ZC3H13: variants seen among roughly 807,000 people sequenced by gnomAD.
The protein encoded by ZC3H13 is zinc finger CCCH-type containing 13.
ZC3H13 carries 64 observed loss-of-function variants against 204.1 expected under a neutral mutation model. The ratio of observed to expected loss-of-function variants is 0.31; its 90% CI spans 0.26 to 0.39. ZC3H13 has a LOEUF of 0.39. Among genes scored for constraint, ZC3H13 ranks in the 10% least tolerant of loss-of-function variants. The pLI, the probability that ZC3H13 is intolerant of heterozygous loss-of-function variation, is 1.00. For missense variants in ZC3H13, 1,833 were observed against 2,082.7 expected, an observed-to-expected ratio of 0.88 and a Z score of 2.33; for synonymous variants, 667 against 693.7, an observed-to-expected ratio of 0.96 and a Z score of 0.60.
In ZC3H13 at chr13:45,970,373, C is replaced by T; in HGVS notation, c.2561G>A (p.Gly854Glu). 6.2e-7 allele frequency: 1 copy of T among 1,613,766 alleles called. No homozygotes were observed. The highest frequency in any genetic ancestry group is 8.5e-7 in the Non-Finnish European group (1 of 1,179,754). ...HSPDSDAYNS[G>E]DDKNEKHRLL... ...CAGAGTCTGCTTACTTTTATCATCT[C>T]CACTGTTGTAGGCATCACTGTCCGG... Residue 854 changes from glycine (G) to glutamate (E), a missense_variant, in exon 13 of 19, where the codon GGA (glycine) becomes GAA (glutamate). This residue lies in a region of ZC3H13 where 1,574 missense variants were observed against 1,757.2 expected (regional missense o/e 0.90). Transcript: ENST00000679008.
In ZC3H13 at chr13:45,996,036, C is replaced by A. The variant is rs143631923; in HGVS notation, c.945-6939G>T. Among the ~76,000 whole-genome samples the A allele has an allele frequency of 3.2e-4, 48 of 152,248 alleles. 1 individual carries two copies. The East Asian group carries it at 8.9e-3, about 28-fold the overall frequency. On this transcript the variant is annotated intron_variant, in intron 8 of 18. Transcript: ENST00000679008. ...CCTGTCAGCAGAATCATACTGAAAC[C>A]AAAATATCTGGCAGAATGAGCTACA...
In ZC3H13 at chr13:46,001,593, T is replaced by A. The variant is rs536464997; in HGVS notation, c.944+1546A>T. 8 of 152,342 alleles carry A rather than the reference T, an allele frequency of 5.3e-5. No individual in the cohort carries two copies. In the East Asian group the frequency reaches 1.5e-3, roughly 29 times the overall value. The allele number at this position is 152,342 out of a possible 1,614,324, so 9.4% of individuals were successfully genotyped here. On this transcript the variant is annotated intron_variant, in intron 8 of 18. Coordinates refer to ENST00000679008, the MANE Select transcript of ZC3H13 (RefSeq NM_001330564.2). ...GGGAGAAAAACTGGAAAATGAAGGA[T>A]AAGCCTGTGTAATATTCAACTCCTC...
At chr13:46,010,056 T>G (rs2041438020) in intron 7 of ZC3H13, 1 of 204,458 alleles carries the variant, frequency 4.9e-6, no homozygotes. Context: ...TATAAACACA[T>G]GCACAAGTAT....
At chr13:45,992,482 T>C (rs2040033747) in intron 8 of ZC3H13, among the ~76,000 whole-genome samples, 1 of 152,226 alleles carries the variant, frequency 6.6e-6, no homozygotes, top group African/African-American at 2.4e-5. Context: ...TCATGGTTAA[T>C]TTTATGTGTC....
chr13:46,024,421 C>A (rs2138870583), intron 4 of ZC3H13, among the ~76,000 whole-genome samples: 1 of 152,278 alleles, frequency 6.6e-6, no homozygotes, highest in South Asian at 2.1e-4. Flanking sequence ...TATTCTCATT[C>A]CTGAAAGCCA....
rs1292804126 is a variant in ZC3H13, at chr13:46,003,167, G to A, written c.916C>T (p.Arg306Ter). The A allele has an allele frequency of 1.2e-6, 2 of 1,611,190 alleles. No individual in the cohort carries two copies. The highest frequency in any genetic ancestry group is 1.3e-5 in the African/African-American group (1 of 74,626). The change falls in exon 8 of 19, where the codon CGA becomes TGA. Residue 306 changes from arginine (R) to a stop codon, truncating the protein, a stop_gained. Coordinates refer to ENST00000679008, the MANE Select transcript of ZC3H13 (RefSeq NM_001330564.2). LOFTEE classifies it high-confidence loss of function. ...GGCTTGTCTCTCTTTTCTCTTTGTCGTTCAAAATCTCGTCCTCTGTCCTTT... is the reference window on the plus strand; with the variant it reads ...GGCTTGTCTCTCTTTTCTCTTTGTCATTCAAAATCTCGTCCTCTGTCCTTT... ...DGKDRGRDFE[R>*]QREKRDKPRS...
intron 18 of ZC3H13, 77 bp from the exon 19 acceptor site, chr13:45,957,374 C>A: frequency 2.5e-6 from 3 of 1,222,734 alleles, no homozygotes; most frequent in Non-Finnish European, 3.2e-6. Flanking sequence ...TTAACCTCTA[C>A]CCAAAATATC....
At chr13:45,974,500 CT>C (rs1456772363) in intron 12 of ZC3H13, among the ~76,000 whole-genome samples, 1 of 152,168 alleles carries the variant, frequency 6.6e-6, no homozygotes, top group Non-Finnish European at 1.5e-5. Flanking sequence ...GCAATAAGTT[CT>C]TTTCTGGTTA....
chr13:45,987,564 T>C (rs916898383), intron 9 of ZC3H13, among the ~76,000 whole-genome samples: 1 of 152,070 alleles, frequency 6.6e-6, no homozygotes, highest in Non-Finnish European at 1.5e-5. Context: ...ATCAAATAGG[T>C]GCTTTCTCCA....
At position 46,016,048 on chromosome 13, in the gene ZC3H13, G is replaced by A. The variant is rs564526934; in HGVS notation, c.448+4401C>T. On this transcript the variant is annotated intron_variant, in intron 5 of 18. Transcript: ENST00000679008. The stretch of plus-strand genomic sequence containing the variant: ...TGTGAAAAAGTTTTCAACTTCATTA[G>A]GAGAATGCAAACTAAAACCACAGTA... Among the ~76,000 whole-genome samples the A allele has an allele frequency of 4.1e-4, 62 of 152,092 alleles. No individual in the cohort carries two copies. In the Middle Eastern group the frequency reaches 0.01, roughly 25 times the overall value.
At chr13:46,018,259 G>C (rs1202438482) in intron 5 of ZC3H13, among the ~76,000 whole-genome samples, 1 of 152,136 alleles carries the variant, frequency 6.6e-6, no homozygotes, top group Non-Finnish European at 1.5e-5. Flanking sequence ...TAGTGACTTT[G>C]AAAAGCAGTT....
At position 46,042,207 on chromosome 13, in the gene ZC3H13, T is replaced by A; in HGVS notation, c.296A>T (p.Glu99Val). Reference protein sequence around the residue: ...MKNKRQDVDTEPQKRNTEESS... With the variant: ...MKNKRQDVDTVPQKRNTEESS... Reference sequence around the variant, plus strand: ...CTCCTCTGTATTTCGTTTCTGGGGCTCAGTGTCCACGTCTTGGCGCTTGTT... The same window carrying A: ...CTCCTCTGTATTTCGTTTCTGGGGCACAGTGTCCACGTCTTGGCGCTTGTT... The change falls in exon 4 of 19, where the codon GAG becomes GTG. Residue 99 changes from glutamate (E) to valine (V), a missense_variant. Glu to Val is a moderately radical substitution (Grantham distance 121). Coordinates refer to ENST00000679008, the MANE Select transcript of ZC3H13 (RefSeq NM_001330564.2). 1 of 1,613,584 alleles carries A rather than the reference T, an allele frequency of 6.2e-7. No individual in the cohort carries two copies. Among genetic ancestry groups the A allele is most frequent in the Non-Finnish European group, 8.5e-7 (1 of 1,179,568 alleles).
Position 46,011,353 on chromosome 13 carries a change from T to A in ZC3H13, c.588+62A>T, listed in dbSNP as rs75917377. On this transcript the variant is annotated intron_variant, in intron 6 of 18. Transcript: ENST00000679008. ...TTTAAGATGTAGCAAGAAGCTGAGT[T>A]ATCTGATCAATACAAATGCTGCTAT... The A allele has an allele frequency of 1.3e-3, 1,853 of 1,458,874 alleles. 22 individuals are homozygous for A. In the African/African-American group the frequency reaches 0.024, roughly 19 times the overall value. The allele number at this position is 1,458,874 out of a possible 1,614,324, so 90.4% of individuals were successfully genotyped here.
rs1416705043 is a variant in ZC3H13, at chr13:45,967,552, G to C, written c.4273C>G (p.Gln1425Glu). 2 of 1,604,998 alleles carry C rather than the reference G, an allele frequency of 1.2e-6. No homozygotes were observed. Among genetic ancestry groups the C allele is most frequent in the Non-Finnish European group, 1.7e-6 (2 of 1,176,146 alleles). ...GATTTATTTGTTTCTTCAAATCCCT[G>C]CACAGATCCCAGATCTTTATCCATT... is the stretch of plus-strand genomic sequence containing the variant. ...ERMDKDLGSV[Q>E]GFEETNKSER... is the part of the protein sequence containing the mutation. Residue 1425 changes from glutamine (Q) to glutamate (E), a missense_variant, in exon 15 of 19, where the codon CAG (glutamine) becomes GAG (glutamate). This residue lies in a region of ZC3H13 where 1,574 missense variants were observed against 1,757.2 expected (regional missense o/e 0.90). Coordinates refer to ENST00000679008, the MANE Select transcript of ZC3H13 (RefSeq NM_001330564.2).
At chr13:45,991,579 G>C (rs767849024) in intron 8 of ZC3H13, among the ~76,000 whole-genome samples, 1 of 152,178 alleles carries the variant, frequency 6.6e-6, no homozygotes, top group Admixed American at 6.5e-5. Flanking sequence ...TTTCCACTTA[G>C]AATAGAAGTA....
chr13:45,981,630 AT>A (rs1475882754), intron 10 of ZC3H13, among the ~76,000 whole-genome samples: 1 of 152,010 alleles, frequency 6.6e-6, no homozygotes, highest in East Asian at 1.9e-4. Context: ...ATTTCTCCAC[AT>A]CCTCTCCAGC....
Position 45,975,792 on chromosome 13 carries a change from C to G in ZC3H13, c.1959G>C (p.Glu653Asp), listed in dbSNP as rs983985769. ...SPIRHQGRND[E>D]LERDERREER... ...CCTCTCTTCTTTCATCACGCTCAAG[C>G]TCGTCATTCCTTCCCTGATGTCGAA... Residue 653 changes from glutamate (E) to aspartate (D), a missense_variant, in exon 12 of 19, where the codon GAG becomes GAC. By Grantham distance (45) the Glu-to-Asp change is conservative (BLOSUM62 2). Transcript: ENST00000679008. The G allele has an allele frequency of 2.5e-6, 4 of 1,613,758 alleles. No individual in the cohort carries two copies. The highest frequency in any genetic ancestry group is 3.4e-6 in the Non-Finnish European group (4 of 1,179,740).
chr13:46,033,239 C>T (rs188116403), intron 4 of ZC3H13, among the ~76,000 whole-genome samples: 17 of 152,124 alleles, frequency 1.1e-4, no homozygotes, highest in African/African-American at 4.1e-4. Context: ...AACTAAGTAT[C>T]AATTTGGTGG....
chr13:45,975,496 T>G lies in ZC3H13; in HGVS notation c.2255A>C (p.Glu752Ala), dbSNP rs771700765. ...ERDREKERER[E>A]REERERERER... is the part of the protein sequence containing the mutation. ...TCTCTCCCTCTCTCTCTCTTCTCTT[T>G]CTCGTTCCCGTTCTTTTTCCCTGTC... Residue 752 changes from glutamate to alanine, a missense_variant, in exon 12 of 19, where the codon GAA becomes GCA. Coordinates refer to ENST00000679008, the MANE Select transcript of ZC3H13 (RefSeq NM_001330564.2). 6.2e-7 allele frequency: 1 copy of G among 1,613,084 alleles called. No homozygotes were observed. Among genetic ancestry groups the G allele is most frequent in the South Asian group, 1.1e-5 (1 of 91,026 alleles).
Sources: allele counts gnomAD v4.1 joint callset (sites outside exome capture counted in the v4.1 genomes callset), GRCh38; gene constraint gnomAD v4.1.1; regional missense constraint gnomAD v4.1.1; transcripts MANE v1.5; gene names NCBI Gene and HGNC (gene_info 2026-07-23, HGNC 2026-07-21).